BICDL1: variants seen among roughly 807,000 people sequenced by gnomAD.
BICDL1 encodes BICD family-like cargo adapter 1.
Under a neutral mutation model 76.8 loss-of-function variants are expected in BICDL1, and 20 were observed. That is an observed-to-expected ratio of 0.26 (90% CI 0.18 to 0.38). The LOEUF (loss-of-function observed/expected upper bound fraction) is 0.38. Ranked by LOEUF, BICDL1 falls within the 10% of genes least tolerant of loss-of-function variation. BICDL1 has a pLI of 1.00. For missense variants in BICDL1, 700 were observed against 798.6 expected, an observed-to-expected ratio of 0.88 and a Z score of 1.49; for synonymous variants, 383 against 337.1, an observed-to-expected ratio of 1.14 and a Z score of -1.49.
Position 119,989,982 on chromosome 12 carries a change from C to T in BICDL1, c.114C>T (p.Ala38=), listed in dbSNP as rs1489073914. ...CCGGGGACGCAGTCCGGAGTCCCGC[C>T]GCCGCCGCCGCCCTCATCTTCCCCG... ...AAAGDAVRSP[A]AAAALIFPGG... is the part of the protein sequence containing the mutation. Residue 38 remains alanine, a synonymous_variant, in exon 1 of 10, where the codon GCC becomes GCT. Transcript: ENST00000548673. 8 of 1,468,846 alleles carry T rather than the reference C, an allele frequency of 5.4e-6. No homozygotes were observed. The highest frequency in any genetic ancestry group is 2.7e-5 in the Admixed American group (1 of 36,774). 91.0% of individuals were successfully genotyped at this position (1,468,846 alleles called of 1,614,324 possible).
chr12:120,092,794 G>A (rs1875093375), intron 9 of BICDL1: 1 of 985,330 alleles, frequency 1.0e-6, no homozygotes, highest in African/African-American at 1.7e-5. Flanking sequence ...CAAGCCTGAG[G>A]AGGCTGGAGG....
chr12:119,995,985 CAA>C (rs1256420336), intron 1 of BICDL1, among the ~76,000 whole-genome samples: 4 of 103,458 alleles, frequency 3.9e-5, no homozygotes, highest in Non-Finnish European at 4.1e-5. Flanking sequence ...GACTCCGTCT[CAA>C]AAAAAAAAAA....
intron 2 of BICDL1, chr12:120,057,198 A>G (rs546344404): frequency 1.4e-5 from 7 of 483,880 alleles, no homozygotes; most frequent in Non-Finnish European, 2.9e-5. Context: ...GTAAGTTTGT[A>G]GAGACAGGGT....
intron 2 of BICDL1, among the ~76,000 whole-genome samples, chr12:120,017,878 A>G (rs1952097981): frequency 6.6e-6 from 1 of 152,228 alleles, no homozygotes; most frequent in South Asian, 2.1e-4. Context: ...GAATTAGGTG[A>G]GATTAATAGT....
intron 2 of BICDL1, among the ~76,000 whole-genome samples, chr12:120,033,316 C>G (rs184154320): frequency 1.9e-4 from 28 of 147,870 alleles, no homozygotes; most frequent in Non-Finnish European, 3.7e-4. Context: ...CTTTTTTATG[C>G]CAATGACATG....
chr12:120,007,767 A>G (rs1199626912), intron 2 of BICDL1, among the ~76,000 whole-genome samples: 1 of 152,188 alleles, frequency 6.6e-6, no homozygotes, highest in East Asian at 1.9e-4. Flanking sequence ...CATTTCTCCC[A>G]GTTTCCTTTC....
chr12:120,022,131 C>T (rs944526150), intron 2 of BICDL1, among the ~76,000 whole-genome samples: 1 of 150,932 alleles, frequency 6.6e-6, no homozygotes, highest in African/African-American at 2.4e-5. Flanking sequence ...AGTTTGTCAG[C>T]CTCTGGGTTG....
chr12:120,090,326 C>T (rs951928758), intron 9 of BICDL1: 7 of 417,594 alleles, frequency 1.7e-5, no homozygotes, highest in Admixed American at 4.2e-5. Flanking sequence ...TGGAATGGGG[C>T]CCCCTTTCAG....
At chr12:119,993,725 T>C (rs1951577393) in intron 1 of BICDL1, among the ~76,000 whole-genome samples, 1 of 152,074 alleles carries the variant, frequency 6.6e-6, no homozygotes, top group African/African-American at 2.4e-5. Context: ...TTCAAGCGAT[T>C]CTCCTGCCTC....
intron 2 of BICDL1, among the ~76,000 whole-genome samples, chr12:120,012,382 A>G (rs997842262): frequency 5.3e-5 from 8 of 152,208 alleles, no homozygotes; most frequent in Non-Finnish European, 8.8e-5. Flanking sequence ...GATTTTCCGC[A>G]TTGCCCTGGT....
chr12:120,052,749 T>C (rs1952890190), intron 2 of BICDL1, among the ~76,000 whole-genome samples: 1 of 152,230 alleles, frequency 6.6e-6, no homozygotes, highest in African/African-American at 2.4e-5. Flanking sequence ...CAGCAATTAC[T>C]GTGATGCTTG....
chr12:120,056,244 C>A (rs1186178550), intron 2 of BICDL1, among the ~76,000 whole-genome samples: 1 of 151,946 alleles, frequency 6.6e-6, no homozygotes, highest in Non-Finnish European at 1.5e-5. Flanking sequence ...TAGAAAGAAA[C>A]CTGAGTTTAA....
chr12:120,093,464 G>T lies in BICDL1; in HGVS notation c.*303G>T. 2.6e-6 allele frequency: 1 copy of T among 389,412 alleles called. No homozygotes were observed. The highest frequency in any genetic ancestry group is 5.8e-5 in the East Asian group (1 of 17,342). The allele number at this position is 389,412 out of a possible 1,614,324, so 24.1% of individuals were successfully genotyped here. ...CTCCCAGAGGGGCCCCTTGGTGTTG[G>T]GCTTTGCAGCTCACACCCAACAGAT... is the stretch of plus-strand genomic sequence containing the variant. On this transcript the variant is annotated 3_prime_UTR_variant, in exon 10 of 10. Transcript: ENST00000548673.
At chr12:120,020,024 CT>C (rs1037030503) in intron 2 of BICDL1, among the ~76,000 whole-genome samples, 6 of 151,966 alleles carry the variant, frequency 3.9e-5, no homozygotes, top group Non-Finnish European at 7.4e-5. Context: ...GTTCATATAT[CT>C]TTTTTTTCTT....
chr12:120,092,967 T>C, intron 9 of BICDL1, 33 bp from the exon 10 acceptor site: 1 of 1,515,616 alleles, frequency 6.6e-7, no homozygotes, highest in Non-Finnish European at 8.8e-7. Flanking sequence ...GAGCAGCTAC[T>C]CAGTCCTGGC....
At chr12:120,037,638 T>G (rs1342825402) in intron 2 of BICDL1, among the ~76,000 whole-genome samples, 2 of 152,218 alleles carry the variant, frequency 1.3e-5, no homozygotes, top group Non-Finnish European at 2.9e-5. Context: ...AGTAGGAAAT[T>G]GATTTTTATT....
At chr12:120,036,593 A>T (rs1461722459) in intron 2 of BICDL1, among the ~76,000 whole-genome samples, 2 of 152,154 alleles carry the variant, frequency 1.3e-5, no homozygotes, top group Non-Finnish European at 2.9e-5. Context: ...GGTGAATCTT[A>T]GGTCAGGCAC....
intron 2 of BICDL1, among the ~76,000 whole-genome samples, chr12:120,024,629 G>A (rs181584484): frequency 6.6e-6 from 1 of 152,256 alleles, no homozygotes; most frequent in East Asian, 1.9e-4. Context: ...GCTTCTCACC[G>A]TCCAGTGTAC....
intron 2 of BICDL1, among the ~76,000 whole-genome samples, chr12:120,060,811 C>T (rs1317066110): frequency 6.6e-6 from 1 of 152,200 alleles, no homozygotes; most frequent in Non-Finnish European, 1.5e-5. Flanking sequence ...CATTGAACAG[C>T]TAGCCTACCA....
Sources: allele counts gnomAD v4.1 joint callset (sites outside exome capture counted in the v4.1 genomes callset), GRCh38; gene constraint gnomAD v4.1.1; transcripts MANE v1.5; gene names NCBI Gene and HGNC (gene_info 2026-07-23, HGNC 2026-07-21).